Variants in PTCH1 observed in about 807,000 individuals in gnomAD.
PTCH1 encodes the protein patched 1.
A neutral mutation model predicts 144.6 loss-of-function variants in PTCH1; 14 were observed. The ratio of observed to expected loss-of-function variants is 0.10; its 90% CI spans 0.06 to 0.15. The LOEUF (loss-of-function observed/expected upper bound fraction) is 0.15. Among genes scored for constraint, PTCH1 ranks in the 10% least tolerant of loss-of-function variants. The pLI is 1.00. For synonymous variants in PTCH1, 833 were observed against 793.6 expected, an observed-to-expected ratio of 1.05 and a Z score of -0.83; for missense variants, 1,623 against 1,948.3, an observed-to-expected ratio of 0.83 and a Z score of 3.14.
In PTCH1 at chr9:95,507,987, G is replaced by A. The variant is rs140439757; in HGVS notation, c.201+174C>T. On this transcript the variant is annotated intron_variant, in intron 1 of 23. Coordinates refer to ENST00000331920, the MANE Select transcript of PTCH1 (RefSeq NM_000264.5). Reference sequence around the variant, plus strand: ...CTTTCCTCCCAGGACCAGAGGGAGGGTTTGAATTTTTCAATCCCCATTTGT... The same window carrying A: ...CTTTCCTCCCAGGACCAGAGGGAGGATTTGAATTTTTCAATCCCCATTTGT... 154 of 1,507,992 alleles carry A rather than the reference G, an allele frequency of 1.0e-4. No homozygotes were observed. The African/African-American group carries it at 1.9e-3, about 19-fold the overall frequency. 93.4% of individuals were successfully genotyped at this position (1,507,992 alleles called of 1,614,324 possible). A position where few individuals can be genotyped will look rare whatever the true frequency, so the allele number is the denominator to read the frequency against.
rs896450701 is a variant in PTCH1, at chr9:95,443,719, G to T, written c.*2674C>A. On this transcript the variant is annotated 3_prime_UTR_variant, in exon 24 of 24. Transcript: ENST00000331920. The stretch of plus-strand genomic sequence containing the variant: ...ATAAATTCTTTAAAAATATACTTCT[G>T]TCAAAAGACTTGATGACTACTATGT... The T allele has an allele frequency of 1.3e-5, 2 of 152,504 alleles. No individual in the cohort carries two copies. Among genetic ancestry groups the T allele is most frequent in the Non-Finnish European group, 2.9e-5 (2 of 68,032 alleles). The allele number at this position is 152,504 out of a possible 1,614,324, so 9.4% of individuals were successfully genotyped here. A position where few individuals can be genotyped will look rare whatever the true frequency, so the allele number is the denominator to read the frequency against.
intron 2 of PTCH1, 55 bp downstream of exon 2, chr9:95,506,352 C>T (rs1843636624): frequency 3.2e-6 from 5 of 1,574,204 alleles, no homozygotes; most frequent in African/African-American, 1.4e-5. Context: ...ATATCTCTAT[C>T]AACCGCGAGG....
intron 2 of PTCH1, among the ~76,000 whole-genome samples, chr9:95,487,894 G>T (rs958241760): frequency 1.3e-5 from 2 of 152,172 alleles, no homozygotes; most frequent in South Asian, 2.1e-4. Flanking sequence ...CCTTATTATG[G>T]TGACCTAGGT....
chr9:95,493,233 C>G (rs1842554345), intron 2 of PTCH1, among the ~76,000 whole-genome samples: 1 of 152,326 alleles, frequency 6.6e-6, no homozygotes, highest in South Asian at 2.1e-4. Flanking sequence ...CCCTCCTCAG[C>G]ACAGCCTTCT....
chr9:95,486,138 G>GA (rs1165052680), intron 2 of PTCH1, among the ~76,000 whole-genome samples: 1 of 149,788 alleles, frequency 6.7e-6, no homozygotes, highest in Non-Finnish European at 1.5e-5. Flanking sequence ...ACTGTGTGAC[G>GA]AAAGTGGGGG....
In PTCH1 at chr9:95,479,899, AGGAG is replaced by A. The variant is rs1841389654; in HGVS notation, c.1067+66_1067+69del. ...TAATACAAATACACTTGCCGATGTC[AGGAG>A]GGAAGTGGCTTTTGAGGAAAGGAAG... is the stretch of plus-strand genomic sequence containing the variant. On this transcript the variant is annotated intron_variant, in intron 7 of 23. Transcript: ENST00000331920. The A allele has an allele frequency of 2.5e-6, 4 of 1,608,438 alleles. No individual in the cohort carries two copies. In the South Asian group the frequency reaches 4.4e-5, roughly 18 times the overall value.
At chr9:95,465,699 G>T (rs1482297918) in intron 15 of PTCH1, among the ~76,000 whole-genome samples, 1 of 152,160 alleles carries the variant, frequency 6.6e-6, no homozygotes, top group Non-Finnish European at 1.5e-5. Flanking sequence ...ACATACAAGT[G>T]TATTGACTTC....
chr9:95,477,787 C>T (rs1360881189), intron 9 of PTCH1, 85 bp from the exon 10 acceptor site: 4 of 1,557,800 alleles, frequency 2.6e-6, no homozygotes, highest in South Asian at 1.2e-5. Flanking sequence ...ACCCATCACC[C>T]CAAATCAAAA....
chr9:95,492,316 GT>G (rs202009930), intron 2 of PTCH1, among the ~76,000 whole-genome samples: 1 of 152,040 alleles, frequency 6.6e-6, no homozygotes, highest in East Asian at 1.9e-4. Flanking sequence ...GAATGTCGTG[GT>G]TTTTTTACTG....
Position 95,476,958 on chromosome 9 carries a change from G to GA in PTCH1, c.1504-102dup. 1 of 1,096,152 alleles carries GA rather than the reference G, an allele frequency of 9.1e-7. No homozygotes were observed. Among genetic ancestry groups the GA allele is most frequent in the Non-Finnish European group, 1.4e-6 (1 of 730,066 alleles). The allele number at this position is 1,096,152 out of a possible 1,614,324, so 67.9% of individuals were successfully genotyped here. A position where few individuals can be genotyped will look rare whatever the true frequency, so the allele number is the denominator to read the frequency against. ...CTGCCACCAGCACCTAACAGCTCCT[G>GA]AAGCAGGGCTTCCGTAACCTCATGG... On this transcript the variant is annotated intron_variant, in intron 10 of 23. Coordinates refer to ENST00000331920, the MANE Select transcript of PTCH1 (RefSeq NM_000264.5). The surrounding 1 kb of genome is among the most constrained non-coding windows in gnomAD (Gnocchi z 4.6).
At chr9:95,457,270 G>A (rs1839025481) in intron 18 of PTCH1, among the ~76,000 whole-genome samples, 1 of 145,886 alleles carries the variant, frequency 6.9e-6, no homozygotes, top group Non-Finnish European at 1.5e-5. Context: ...GGAGGGAGGG[G>A]AAGGAATGAT....
In PTCH1 at chr9:95,507,931, C is replaced by G. The variant is rs1463327380; in HGVS notation, c.201+230G>C. ...ACACACACACACACGCACACACACACACCTCCACCCCCTGCGGACCTCAGA... is the reference window on the plus strand; with the variant it reads ...ACACACACACACACGCACACACACAGACCTCCACCCCCTGCGGACCTCAGA... On this transcript the variant is annotated intron_variant, in intron 1 of 23. Transcript: ENST00000331920. The G allele has an allele frequency of 2.8e-6, 4 of 1,433,190 alleles. No homozygotes were observed. In the Admixed American group the frequency reaches 8.8e-5, roughly 32 times the overall value. 88.8% of individuals were successfully genotyped at this position (1,433,190 alleles called of 1,614,324 possible). A position where few individuals can be genotyped will look rare whatever the true frequency, so the allele number is the denominator to read the frequency against.
intron 12 of PTCH1, among the ~76,000 whole-genome samples, chr9:95,474,359 A>G (rs1232541265): frequency 6.6e-6 from 1 of 152,106 alleles, no homozygotes; most frequent in African/African-American, 2.4e-5. Flanking sequence ...GGTGCTGAGC[A>G]GACACACACC....
At position 95,443,214 on chromosome 9, in the gene PTCH1, A is replaced by G. The variant is rs1436155517; in HGVS notation, c.*3179T>C. The G allele has an allele frequency of 6.6e-6, 1 of 152,330 alleles. No homozygotes were observed. Among genetic ancestry groups the G allele is most frequent in the South Asian group, 2.1e-4 (1 of 4,822 alleles). 9.4% of individuals were successfully genotyped at this position (152,330 alleles called of 1,614,324 possible). A position where few individuals can be genotyped will look rare whatever the true frequency, so the allele number is the denominator to read the frequency against. The stretch of plus-strand genomic sequence containing the variant: ...TCAGCCCCCACTTTGTAATACATCC[A>G]TGTAACAGAGCTATGCTTATACCCA... On this transcript the variant is annotated 3_prime_UTR_variant, in exon 24 of 24. Transcript: ENST00000331920.
At position 95,507,441 on chromosome 9, in the gene PTCH1, A is replaced by G. The variant is rs563939104; in HGVS notation, c.201+720T>C. ...TCCCTGGATTCCACACATTTCAGCG[A>G]GCCTCGTAAACACAATGAACCCGGC... On this transcript the variant is annotated intron_variant, in intron 1 of 23. Coordinates refer to ENST00000331920, the MANE Select transcript of PTCH1 (RefSeq NM_000264.5). 4.0e-5 allele frequency: 39 copies of G among 985,386 alleles called. No individual in the cohort carries two copies. In the South Asian group the frequency reaches 1.6e-3, roughly 40 times the overall value. The allele number at this position is 985,386 out of a possible 1,614,324, so 61.0% of individuals were successfully genotyped here.
At chr9:95,502,876 C>T (rs1238337670) in intron 2 of PTCH1, among the ~76,000 whole-genome samples, 1 of 152,200 alleles carries the variant, frequency 6.6e-6, no homozygotes, top group African/African-American at 2.4e-5. Flanking sequence ...TTTGAAGACA[C>T]AGCCTTTCGA....
intron 2 of PTCH1, among the ~76,000 whole-genome samples, chr9:95,490,474 C>G (rs1461301249): frequency 6.7e-6 from 1 of 150,358 alleles, no homozygotes; most frequent in African/African-American, 2.5e-5. Context: ...GAATGAGACC[C>G]CACTTCAAAA....
intron 1 of PTCH1, 23 bp downstream of exon 1, chr9:95,508,138 G>A (rs1483468536): frequency 3.7e-6 from 6 of 1,612,046 alleles, no homozygotes; most frequent in Non-Finnish European, 4.2e-6. Flanking sequence ...AGAGAAAGTG[G>A]GAGGAGAGAG....
At position 95,508,737 on chromosome 9, in the gene PTCH1, C is replaced by CT. The variant is rs1262592764; in HGVS notation, c.-377dup. 1.1e-5 allele frequency: 11 copies of CT among 985,964 alleles called. No individual in the cohort carries two copies. The highest frequency in any genetic ancestry group is 1.3e-5 in the Non-Finnish European group (11 of 830,498). The allele number at this position is 985,964 out of a possible 1,614,324, so 61.1% of individuals were successfully genotyped here. A position where few individuals can be genotyped will look rare whatever the true frequency, so the allele number is the denominator to read the frequency against. On this transcript the variant is annotated 5_prime_UTR_variant, in exon 1 of 24. Coordinates refer to ENST00000331920, the MANE Select transcript of PTCH1 (RefSeq NM_000264.5). ...CCGCGGCACTCCTTGCGGTCCCCAA[C>CT]TCCCCCTACCCGCCCCCCGCCCCGC... is the stretch of plus-strand genomic sequence containing the variant.
Sources: gnomAD v4.1 joint callset for allele counts (sites outside exome capture counted in the v4.1 genomes callset) on GRCh38, gnomAD v4.1.1 for gene constraint, Gnocchi (gnomAD v3.1) non-coding constraint, MANE v1.5 for transcripts, NCBI Gene and HGNC (gene_info 2026-07-23, HGNC 2026-07-21) for gene names.